Variants in MYO5B observed in about 807,000 individuals in gnomAD.
MYO5B encodes myosin VB.
Under a neutral mutation model 229.3 loss-of-function variants are expected in MYO5B, and 143 were observed. The ratio of observed to expected loss-of-function variants is 0.62; its 90% confidence interval spans 0.54 to 0.72. MYO5B has a LOEUF of 0.72. Ranked by LOEUF, MYO5B falls within the 30% of genes least tolerant of loss-of-function variation. The pLI, the probability that MYO5B is intolerant of heterozygous loss-of-function variation, is 0.00. For synonymous variants in MYO5B, 918 were observed against 885.2 expected, an observed-to-expected ratio of 1.04 and a Z score of -0.66; for missense variants, 2,321 against 2,331.0, an observed-to-expected ratio of 1.00 and a Z score of 0.09.
chr18:50,164,149 C>A (rs906675648), intron 1 of MYO5B, among the ~76,000 whole-genome samples: 4 of 152,224 alleles, frequency 2.6e-5, no homozygotes, highest in Non-Finnish European at 5.9e-5. Flanking sequence ...AAGCTCCCCA[C>A]ACGAACCTCT....
intron 1 of MYO5B, among the ~76,000 whole-genome samples, chr18:50,160,179 C>T (rs540079404): frequency 2.0e-5 from 3 of 152,354 alleles, no homozygotes; most frequent in African/African-American, 7.2e-5. Context: ...CGGGGCTGCC[C>T]GGGTGCACCT....
chr18:49,932,939 A>G (rs1310750430), intron 16 of MYO5B, among the ~76,000 whole-genome samples: 1 of 152,212 alleles, frequency 6.6e-6, no homozygotes, highest in Admixed American at 6.5e-5. Flanking sequence ...GACCATAGCA[A>G]GGACAATTAA....
intron 1 of MYO5B, among the ~76,000 whole-genome samples, chr18:50,085,186 A>G (rs1156936732): frequency 9.8e-5 from 15 of 152,378 alleles, no homozygotes; most frequent in Admixed American, 3.3e-4. Flanking sequence ...GCTAATACCC[A>G]GAATCTACAA....
chr18:49,882,485 G>T (rs2024598362), intron 22 of MYO5B, among the ~76,000 whole-genome samples: 1 of 151,730 alleles, frequency 6.6e-6, no homozygotes, highest in African/African-American at 2.4e-5. Context: ...AAAATTAGTT[G>T]GGCGTGGTGG....
intron 2 of MYO5B, among the ~76,000 whole-genome samples, chr18:50,047,279 G>A (rs542903715): frequency 2.0e-5 from 3 of 152,306 alleles, no homozygotes; most frequent in East Asian, 3.9e-4. Flanking sequence ...AGTGGGTGAA[G>A]GATATGAACA....
At chr18:50,037,025 C>A (rs778379103) in intron 3 of MYO5B, 31 bp from the exon 4 acceptor site, 5 of 1,613,700 alleles carry the variant, frequency 3.1e-6, no homozygotes, top group Non-Finnish European at 4.2e-6. Context: ...CAGATTCCGA[C>A]AGCACAGAAG....
chr18:49,918,205 C>T (rs1339938954), intron 17 of MYO5B, among the ~76,000 whole-genome samples: 2 of 152,166 alleles, frequency 1.3e-5, no homozygotes, highest in Non-Finnish European at 1.5e-5. Flanking sequence ...GAACAACATG[C>T]CTGCTTGCAA....
At chr18:50,143,982 T>C (rs1030947471) in intron 1 of MYO5B, among the ~76,000 whole-genome samples, 1 of 152,170 alleles carries the variant, frequency 6.6e-6, no homozygotes, top group Non-Finnish European at 1.5e-5. Flanking sequence ...ATCACCTTCT[T>C]ATCCAAAGGC....
chr18:50,073,438 G>T (rs2031005759), intron 1 of MYO5B, among the ~76,000 whole-genome samples: 1 of 152,128 alleles, frequency 6.6e-6, no homozygotes, highest in African/African-American at 2.4e-5. Flanking sequence ...AAACAACTTG[G>T]CTTTCTTGAC....
At chr18:50,045,268 T>C (rs1036522671) in intron 2 of MYO5B, among the ~76,000 whole-genome samples, 4 of 152,196 alleles carry the variant, frequency 2.6e-5, no homozygotes, top group Non-Finnish European at 4.4e-5. Flanking sequence ...TGTGGGAACA[T>C]GGCTTACAGA....
intron 4 of MYO5B, among the ~76,000 whole-genome samples, chr18:50,032,439 C>A (rs1268567664): frequency 6.6e-6 from 1 of 152,202 alleles, no homozygotes; most frequent in South Asian, 2.1e-4. Flanking sequence ...CTATTCTGGA[C>A]ATTTTATAGA....
At chr18:50,149,344 C>T (rs1390080107) in intron 1 of MYO5B, among the ~76,000 whole-genome samples, 29 of 151,338 alleles carry the variant, frequency 1.9e-4, no homozygotes, top group Admixed American at 1.3e-3. Flanking sequence ...CTTTAAAGTT[C>T]ATATGGAACC....
chr18:49,875,995 A>G (rs557581907), intron 25 of MYO5B, among the ~76,000 whole-genome samples, 168 bp from the exon 26 acceptor site: 11 of 152,334 alleles, frequency 7.2e-5, no homozygotes, highest in African/African-American at 2.4e-4. Flanking sequence ...AACATTTCTC[A>G]TATCACAGTT....
rs11439102 is a variant in MYO5B at position 49,877,503 on chromosome 18, A to AT, written c.3396+259dup. Among the ~76,000 whole-genome samples, 30,102 of 152,056 alleles carry AT rather than the reference A, an allele frequency of 0.2. 3,215 individuals are homozygous for AT. Among genetic ancestry groups the AT allele is most frequent in the East Asian group, 0.41 (2,126 of 5,164 alleles). On this transcript the variant is annotated intron_variant, in intron 25 of 39. Coordinates refer to ENST00000285039, the MANE Select transcript of MYO5B (RefSeq NM_001080467.3). The stretch of plus-strand genomic sequence containing the variant: ...TCAGCTTCTTGGTTTTTCAAGAGGA[A>AT]TCAGAGATCCACCTTCTTCTTTCCT...
intron 1 of MYO5B, among the ~76,000 whole-genome samples, chr18:50,157,827 G>A (rs572694705): frequency 3.9e-5 from 6 of 152,282 alleles, no homozygotes; most frequent in African/African-American, 1.4e-4. Context: ...ACCATGTCTT[G>A]TGTTTACAAA....
chr18:49,851,278 A>G (rs1001158677), intron 31 of MYO5B, among the ~76,000 whole-genome samples: 7 of 152,184 alleles, frequency 4.6e-5, no homozygotes, highest in Non-Finnish European at 1.0e-4. Flanking sequence ...AGGTGATTGT[A>G]AGATCCATGT....
At chr18:49,873,152 C>A (rs189700930) in intron 26 of MYO5B, among the ~76,000 whole-genome samples, 4 of 152,342 alleles carry the variant, frequency 2.6e-5, no homozygotes, top group Admixed American at 2.6e-4. Context: ...TCTGGAATAA[C>A]AACTCACTAG....
chr18:50,058,619 T>C (rs925399358), intron 1 of MYO5B, among the ~76,000 whole-genome samples: 21 of 152,204 alleles, frequency 1.4e-4, no homozygotes, highest in African/African-American at 5.1e-4. Context: ...GAAACCAGCC[T>C]GGCCAACATG....
intron 10 of MYO5B, among the ~76,000 whole-genome samples, chr18:49,966,881 C>T (rs893733561): frequency 6.6e-6 from 1 of 152,184 alleles, no homozygotes; most frequent in African/African-American, 2.4e-5. Flanking sequence ...TGACAGACCT[C>T]AGAAAGCCAC....
Sources: gnomAD v4.1 joint callset for allele counts (sites outside exome capture counted in the v4.1 genomes callset) on GRCh38, gnomAD v4.1.1 for gene constraint, MANE v1.5 for transcripts, NCBI Gene and HGNC (gene_info 2026-07-23, HGNC 2026-07-21) for gene names.